PSMA1: variants seen among roughly 807,000 people sequenced by gnomAD.
PSMA1 encodes proteasome 20S subunit alpha 1.
In PSMA1, 3 loss-of-function variants were observed where a neutral mutation model predicts 38.4. The observed-to-expected ratio is 0.08, with a 90% CI of 0.04 to 0.20. The LOEUF (loss-of-function observed/expected upper bound fraction) is 0.20. Ranked by LOEUF, PSMA1 falls within the 10% of genes least tolerant of loss-of-function variation. PSMA1 has a pLI of 1.00. For synonymous variants in PSMA1, 101 were observed against 107.1 expected, an observed-to-expected ratio of 0.94 and a Z score of 0.35; for missense variants, 227 against 325.3, an observed-to-expected ratio of 0.70 and a Z score of 2.32.
intron 1 of PSMA1, among the ~76,000 whole-genome samples, chr11:14,616,939 G>A (rs184010550): frequency 2.4e-4 from 36 of 152,254 alleles, no homozygotes; most frequent in Admixed American, 4.6e-4. Flanking sequence ...GGAGAATGTC[G>A]TTTGTATCTA....
intron 2 of PSMA1, among the ~76,000 whole-genome samples, chr11:14,518,381 G>C (rs1359269180): frequency 6.6e-6 from 1 of 152,142 alleles, no homozygotes; most frequent in East Asian, 1.9e-4. Flanking sequence ...TTACAGGCAT[G>C]AGCCACTGCA....
chr11:14,544,284 T>C (rs1589988369), intron 2 of PSMA1, among the ~76,000 whole-genome samples: 1 of 152,156 alleles, frequency 6.6e-6, no homozygotes, highest in Non-Finnish European at 1.5e-5. Flanking sequence ...CCCGCCCGCC[T>C]TGGCCTCTCA....
intron 2 of PSMA1, among the ~76,000 whole-genome samples, chr11:14,601,130 C>T (rs950450892): frequency 6.6e-6 from 1 of 152,140 alleles, no homozygotes; most frequent in Non-Finnish European, 1.5e-5. Context: ...TTGGCTATTT[C>T]AGGAGTAAGG....
intron 2 of PSMA1, among the ~76,000 whole-genome samples, chr11:14,608,788 T>G (rs560044339): frequency 2.0e-5 from 3 of 150,338 alleles, no homozygotes; most frequent in African/African-American, 7.3e-5. Context: ...CATCTGAATA[T>G]AGACTTCTTC....
rs180994239 is a variant in PSMA1 at position 14,540,832 on chromosome 11, C to A, written c.22-21791G>T. Among the ~76,000 whole-genome samples, 787 of 151,934 alleles carry A rather than the reference C, an allele frequency of 5.2e-3. 6 individuals are homozygous for A. Among genetic ancestry groups the A allele is most frequent in the South Asian group, 0.013 (63 of 4,816 alleles). ...ATGGGGGACAAAAACTTGGGAGTAT[C>A]ACTCCCATGTTCTAGTGTAAAAGAA... On this transcript the variant is annotated intron_variant, in intron 2 of 10. Transcript: ENST00000418988.
At chr11:14,549,470 G>C (rs1208991786) in intron 2 of PSMA1, among the ~76,000 whole-genome samples, 2 of 152,138 alleles carry the variant, frequency 1.3e-5, no homozygotes, top group Non-Finnish European at 2.9e-5. Context: ...GGGAGGCCAA[G>C]GCAGGAGGAT....
intron 2 of PSMA1, among the ~76,000 whole-genome samples, chr11:14,529,275 C>G (rs1851620974): frequency 6.6e-6 from 1 of 152,114 alleles, no homozygotes; most frequent in African/African-American, 2.4e-5. Flanking sequence ...GCACCTATAA[C>G]TGGTACATTG....
Position 14,543,004 on chromosome 11 carries a change from C to T in PSMA1, c.22-23963G>A, listed in dbSNP as rs80298238. On this transcript the variant is annotated intron_variant, in intron 2 of 10. Transcript: ENST00000418988. ...CCGAGTAGCTGGGATTATAGGTGCC[C>T]GCCACCACACCCAGCTAATTTTCAC... 1.8e-3 allele frequency among the ~76,000 whole-genome samples: 273 copies of T among 152,118 alleles called. 9 individuals are homozygous for T. In the East Asian group the frequency reaches 0.043, roughly 24 times the overall value.
chr11:14,580,973 A>C (rs946821361), intron 2 of PSMA1, among the ~76,000 whole-genome samples: 1 of 152,212 alleles, frequency 6.6e-6, no homozygotes, highest in Non-Finnish European at 1.5e-5. Flanking sequence ...GGAATGACAG[A>C]TGAACTACAG....
Position 14,534,994 on chromosome 11 carries a change from A to C in PSMA1, c.22-15953T>G, listed in dbSNP as rs1004315621. On this transcript the variant is annotated intron_variant, in intron 2 of 10. Transcript: ENST00000418988. This position sits in a 1 kb window ranked among gnomAD's most constrained non-coding sequence, Gnocchi z 4.5. The stretch of plus-strand genomic sequence containing the variant: ...GAGGCTGAGGCAGGAGAATTGCTTG[A>C]ACCCAGGAGGCAGAGGTTGCAGTGG... 6.6e-6 allele frequency among the ~76,000 whole-genome samples: 1 copy of C among 152,192 alleles called. No homozygotes were observed. The highest frequency in any genetic ancestry group is 1.5e-5 in the Non-Finnish European group (1 of 68,040).
intron 2 of PSMA1, among the ~76,000 whole-genome samples, chr11:14,530,886 G>A (rs1157607795): frequency 1.6e-5 from 2 of 125,066 alleles, no homozygotes; most frequent in Admixed American, 1.9e-4. Context: ...TGGGCGACAG[G>A]TCAAGACTCC....
intron 1 of PSMA1, among the ~76,000 whole-genome samples, chr11:14,615,410 C>A (rs1916043): frequency 6.6e-6 from 1 of 152,070 alleles, no homozygotes; most frequent in East Asian, 1.9e-4. Flanking sequence ...CAGTGGGACA[C>A]GCTGAAAGAA....
intron 2 of PSMA1, among the ~76,000 whole-genome samples, chr11:14,552,094 G>A (rs1303942046): frequency 6.6e-6 from 1 of 152,186 alleles, no homozygotes; most frequent in Non-Finnish European, 1.5e-5. Flanking sequence ...AGACAGAAAT[G>A]ATCTTAGAGA....
chr11:14,530,683 C>G (rs1012654825), intron 2 of PSMA1, among the ~76,000 whole-genome samples: 1 of 152,082 alleles, frequency 6.6e-6, no homozygotes, highest in African/African-American at 2.4e-5. Context: ...ACGGGCAGAT[C>G]ATGAGGTCAG....
chr11:14,622,272 AG>A (rs1414836390), intron 1 of PSMA1, among the ~76,000 whole-genome samples: 3 of 152,214 alleles, frequency 2.0e-5, no homozygotes, highest in African/African-American at 7.2e-5. Flanking sequence ...ATTAGAAGAG[AG>A]GATCAGAAAC....
chr11:14,637,704 T>G (rs536999090), intron 1 of PSMA1, among the ~76,000 whole-genome samples: 1 of 152,316 alleles, frequency 6.6e-6, no homozygotes, highest in South Asian at 2.1e-4. Flanking sequence ...ATATTATGTA[T>G]GCATTCCTTA....
chr11:14,520,515 A>G, upstream of PSMA1: 1 of 1,418,296 alleles, frequency 7.1e-7, no homozygotes, highest in African/African-American at 1.4e-5. Context: ...GCCTCGGAAG[A>G]TCTAGGAACT....
At chr11:14,589,462 A>ATT (rs1001017824) in intron 2 of PSMA1, among the ~76,000 whole-genome samples, 1 of 150,138 alleles carries the variant, frequency 6.7e-6, no homozygotes, top group South Asian at 2.1e-4. Context: ...ATATATATAT[A>ATT]TTTTTTTCTT....
chr11:14,521,708 G>C (rs1851532138), upstream of PSMA1, among the ~76,000 whole-genome samples: 1 of 147,986 alleles, frequency 6.8e-6, no homozygotes, highest in Non-Finnish European at 1.5e-5. Flanking sequence ...GGAGGTTGCA[G>C]TGAGCTGAGA....
Sources: allele counts gnomAD v4.1 joint callset (sites outside exome capture counted in the v4.1 genomes callset), GRCh38; gene constraint gnomAD v4.1.1; non-coding constraint Gnocchi (gnomAD v3.1); transcripts MANE v1.5; gene names NCBI Gene and HGNC (gene_info 2026-07-23, HGNC 2026-07-21).